MIS18BP1: variants seen among roughly 807,000 people sequenced by gnomAD.
MIS18BP1 encodes mis18-binding protein 1.
A neutral mutation model predicts 116.1 loss-of-function variants in MIS18BP1; 72 were observed. The ratio of observed to expected loss-of-function variants is 0.62; its 90% CI spans 0.51 to 0.75. The LOEUF is 0.75. Ranked by LOEUF, MIS18BP1 falls within the 30% of genes least tolerant of loss-of-function variation. MIS18BP1 has a pLI of 0.00. For missense variants in MIS18BP1, 1,363 were observed against 1,303.2 expected, an observed-to-expected ratio of 1.05 and a Z score of -0.71; for synonymous variants, 386 against 427.0, an observed-to-expected ratio of 0.90 and a Z score of 1.18.
intron 13 of MIS18BP1, among the ~76,000 whole-genome samples, chr14:45,210,985 C>A (rs914794529): frequency 1.4e-4 from 21 of 152,168 alleles, no homozygotes; most frequent in African/African-American, 5.1e-4. Flanking sequence ...GGATTTGTCA[C>A]CCTCTTTATT....
At chr14:45,235,575 G>A (rs1416002652) in intron 6 of MIS18BP1, among the ~76,000 whole-genome samples, 1 of 129,078 alleles carries the variant, frequency 7.7e-6, no homozygotes, top group South Asian at 2.5e-4. Flanking sequence ...GGGTGACAGA[G>A]CAAGACTCCA....
At chr14:45,236,293 G>A (rs1891427033) in intron 5 of MIS18BP1, among the ~76,000 whole-genome samples, 1 of 151,948 alleles carries the variant, frequency 6.6e-6, no homozygotes, top group Admixed American at 6.6e-5. Context: ...TCTCCTTCAG[G>A]GTCTATACTG....
chr14:45,233,560 C>A (rs912312803), intron 6 of MIS18BP1, among the ~76,000 whole-genome samples: 4 of 152,050 alleles, frequency 2.6e-5, no homozygotes, highest in African/African-American at 9.7e-5. Flanking sequence ...AGTTAGGAGG[C>A]CACTGTAATG....
intron 5 of MIS18BP1, among the ~76,000 whole-genome samples, chr14:45,236,597 G>A (rs1359914231): frequency 6.6e-6 from 1 of 152,020 alleles, no homozygotes; most frequent in East Asian, 1.9e-4. Flanking sequence ...TGACGAATAA[G>A]GAAATCAAGT....
chr14:45,208,883 T>C (rs984371639), intron 14 of MIS18BP1, among the ~76,000 whole-genome samples: 34 of 152,292 alleles, frequency 2.2e-4, no homozygotes, highest in African/African-American at 7.5e-4. Context: ...TCTGTGGAAA[T>C]TGCTCTAAGA....
At chr14:45,210,092 T>C (rs981299952) in intron 14 of MIS18BP1, 4 of 230,630 alleles carry the variant, frequency 1.7e-5, no homozygotes, top group Non-Finnish European at 3.3e-5. Context: ...TATAAAATAA[T>C]TCTCCAAGGT....
rs186496774 is a variant in MIS18BP1, at chr14:45,221,760, G to C, written c.2669+2158C>G. Among the ~76,000 whole-genome samples, 16 of 152,304 alleles carry C rather than the reference G, an allele frequency of 1.1e-4. 1 individual carries two copies. The East Asian group carries it at 2.9e-3, about 28-fold the overall frequency. Reference sequence around the variant, plus strand: ...TTCTGTAAATGTGAATCATACGAATGACTGATGGTGTTGTTCAGTTCTATA... The same window carrying C: ...TTCTGTAAATGTGAATCATACGAATCACTGATGGTGTTGTTCAGTTCTATA... On this transcript the variant is annotated intron_variant, in intron 11 of 16. Coordinates refer to ENST00000310806, the MANE Select transcript of MIS18BP1 (RefSeq NM_018353.5).
At chr14:45,222,517 G>A (rs937408562) in intron 11 of MIS18BP1, among the ~76,000 whole-genome samples, 1 of 152,134 alleles carries the variant, frequency 6.6e-6, no homozygotes, top group African/African-American at 2.4e-5. Flanking sequence ...GGTATCCCAA[G>A]CTATACGTTC....
At chr14:45,217,791 C>G (rs1890864601) in intron 12 of MIS18BP1, among the ~76,000 whole-genome samples, 1 of 152,046 alleles carries the variant, frequency 6.6e-6, no homozygotes, top group Non-Finnish European at 1.5e-5. Flanking sequence ...TTGCTGAATG[C>G]CTAATTTATT....
intron 2 of MIS18BP1, among the ~76,000 whole-genome samples, 196 bp downstream of exon 2, chr14:45,246,547 T>G (rs993440705): frequency 5.3e-5 from 8 of 152,196 alleles, no homozygotes; most frequent in African/African-American, 1.7e-4. Flanking sequence ...TCTTTCCACT[T>G]TTCCTCTTCT....
In MIS18BP1 at chr14:45,206,159, T is replaced by C; in HGVS notation, c.3164A>G (p.Asp1055Gly). Residue 1055 changes from aspartate to glycine, a missense_variant, in exon 15 of 17, where the codon GAT (aspartate) becomes GGT (glycine). Coordinates refer to ENST00000310806, the MANE Select transcript of MIS18BP1 (RefSeq NM_018353.5). ...TTTTTGCATACGAAAAACATATTTA[T>C]CACAGTCATTCCTGTTTGAATACGA... is the stretch of plus-strand genomic sequence containing the variant. ...MLGSINRNDC[D>G]KYVFRMQKYH... The C allele has an allele frequency of 2.5e-6, 4 of 1,599,228 alleles. No individual in the cohort carries two copies. Among genetic ancestry groups the C allele is most frequent in the South Asian group, 1.1e-5 (1 of 90,052 alleles).
Position 45,253,031 on chromosome 14 carries a change from G to C in MIS18BP1, c.-92+4C>G, listed in dbSNP as rs1381622627. The C allele has an allele frequency of 6.6e-6, 1 of 152,310 alleles. No homozygotes were observed. Among genetic ancestry groups the C allele is most frequent in the African/African-American group, 2.4e-5 (1 of 41,468 alleles). 9.4% of individuals were successfully genotyped at this position (152,310 alleles called of 1,614,324 possible). A position where few individuals can be genotyped will look rare whatever the true frequency, so the allele number is the denominator to read the frequency against. On this transcript the variant is annotated splice_donor_region_variant and intron_variant, in intron 1 of 16. Transcript: ENST00000310806. ...GGTTAGCGGAGGGCGCGGGGAGGAC[G>C]TACCTTGGATGAAGAGCCTGGCAGG... is the stretch of plus-strand genomic sequence containing the variant.
chr14:45,217,192 C>T lies in MIS18BP1; in HGVS notation c.2843-13G>A, dbSNP rs373783858. On this transcript the variant is annotated splice_polypyrimidine_tract_variant and intron_variant, in intron 12 of 16. Transcript: ENST00000310806. ...TCACCTCTCTTGCCTTAAGAGTCAG[C>T]AAACCATTTTGATAAGGATTTGGTT... The T allele has an allele frequency of 6.2e-7, 1 of 1,610,638 alleles. No homozygotes were observed. The highest frequency in any genetic ancestry group is 1.3e-5 in the African/African-American group (1 of 74,636).
rs369952897 is a variant in MIS18BP1 at position 45,235,985 on chromosome 14, T to C, written c.1218-41A>G. ...AGTTTTGGTAAGGTCAAAATATTCA[T>C]ATAGAAATTTCTAACAGAAAATAAT... On this transcript the variant is annotated intron_variant, in intron 5 of 16. Coordinates refer to ENST00000310806, the MANE Select transcript of MIS18BP1 (RefSeq NM_018353.5). The C allele has an allele frequency of 5.9e-6, 9 of 1,514,322 alleles. No individual in the cohort carries two copies. In the African/African-American group the frequency reaches 1.1e-4, roughly 19 times the overall value. The allele number at this position is 1,514,322 out of a possible 1,614,324, so 93.8% of individuals were successfully genotyped here. A position where few individuals can be genotyped will look rare whatever the true frequency, so the allele number is the denominator to read the frequency against.
intron 13 of MIS18BP1, among the ~76,000 whole-genome samples, chr14:45,214,580 G>C (rs1890764991): frequency 6.6e-6 from 1 of 152,098 alleles, no homozygotes; most frequent in Admixed American, 6.5e-5. Context: ...CGGTCCCCTG[G>C]GCCCACTTTT....
chr14:45,251,072 C>T (rs1891861556), intron 1 of MIS18BP1, among the ~76,000 whole-genome samples: 1 of 149,424 alleles, frequency 6.7e-6, no homozygotes, highest in Non-Finnish European at 1.5e-5. Flanking sequence ...TGGCCATAAG[C>T]ATTTATAGTA....
intron 13 of MIS18BP1, among the ~76,000 whole-genome samples, chr14:45,213,849 A>G (rs1890741201): frequency 6.6e-6 from 1 of 152,248 alleles, no homozygotes; most frequent in Non-Finnish European, 1.5e-5. Context: ...CTGTAACCTT[A>G]GCCCCAATCC....
chr14:45,235,686 C>A, intron 6 of MIS18BP1, 128 bp downstream of exon 6: 2 of 632,270 alleles, frequency 3.2e-6, no homozygotes, highest in South Asian at 4.0e-5. Flanking sequence ...TATATAATAT[C>A]AGTTGTTTTG....
intron 4 of MIS18BP1, 90 bp downstream of exon 4, chr14:45,241,943 GA>G (rs1214828826): frequency 1.7e-5 from 23 of 1,380,850 alleles, no homozygotes; most frequent in East Asian, 2.3e-5. Context: ...ATCCTAGCTA[GA>G]AAAAAAATAA....
Sources: allele counts gnomAD v4.1 joint callset (sites outside exome capture counted in the v4.1 genomes callset), GRCh38; gene constraint gnomAD v4.1.1; transcripts MANE v1.5; gene names NCBI Gene and HGNC (gene_info 2026-07-23, HGNC 2026-07-21).